The following TBC1D5 variants were observed in gnomAD, a reference collection of about 807,000 sequenced individuals.
TBC1D5 encodes TBC1 domain family, member 5.
In TBC1D5, 75 loss-of-function variants were observed where a neutral mutation model predicts 100.3. The observed-to-expected ratio is 0.75, with a 90% CI of 0.62 to 0.91. The LOEUF (loss-of-function observed/expected upper bound fraction) is 0.91. Ranked by LOEUF, TBC1D5 falls within the 40% of genes least tolerant of loss-of-function variation. The pLI, the probability that TBC1D5 is intolerant of heterozygous loss-of-function variation, is 0.00. For missense variants in TBC1D5, 910 were observed against 942.4 expected (o/e 0.97, Z 0.45); for synonymous variants, 323 against 325.6 (o/e 0.99, Z 0.09).
chr3:17,537,101 C>T (rs780575392), intron 2 of TBC1D5, among the ~76,000 whole-genome samples: 3 of 152,114 alleles, frequency 2.0e-5, no homozygotes, highest in Non-Finnish European at 4.4e-5. Flanking sequence ...AATCTGATGG[C>T]CTTATGGCAG....
intron 1 of TBC1D5, among the ~76,000 whole-genome samples, chr3:17,626,643 G>A (rs2063085954): frequency 6.6e-6 from 1 of 152,158 alleles, no homozygotes; most frequent in Non-Finnish European, 1.5e-5. Context: ...AGACTTCACA[G>A]AGGGGGCAAG....
At chr3:17,642,133 T>A (rs937133535) in intron 1 of TBC1D5, among the ~76,000 whole-genome samples, 2 of 152,132 alleles carry the variant, frequency 1.3e-5, no homozygotes, top group Non-Finnish European at 2.9e-5. Context: ...AAATTTTTTA[T>A]ACTTTTATTT....
At chr3:17,312,777 C>G (rs1436043130) in intron 13 of TBC1D5, among the ~76,000 whole-genome samples, 1 of 152,160 alleles carries the variant, frequency 6.6e-6, no homozygotes, top group African/African-American at 2.4e-5. Context: ...GCTGTTTTGT[C>G]AGAACAACTG....
At chr3:17,374,448 A>C (rs767862746) in intron 12 of TBC1D5, 23 bp downstream of exon 12, 1 of 1,600,106 alleles carries the variant, frequency 6.2e-7, no homozygotes, top group Admixed American at 1.7e-5. Flanking sequence ...ATATACTGAA[A>C]AGATCTGTAC....
chr3:17,525,365 A>G (rs1482169090), intron 2 of TBC1D5, among the ~76,000 whole-genome samples: 3 of 152,182 alleles, frequency 2.0e-5, no homozygotes, highest in African/African-American at 7.2e-5. Context: ...TCCTGATGTC[A>G]GGTGATCTAC....
intron 3 of TBC1D5, among the ~76,000 whole-genome samples, chr3:17,475,661 G>C (rs1211213714): frequency 3.3e-5 from 5 of 152,034 alleles, no homozygotes; most frequent in African/African-American, 1.2e-4. Flanking sequence ...TCTCTCCTGA[G>C]GATGGCATTC....
chr3:17,632,949 TA>T (rs1457873125), intron 1 of TBC1D5, among the ~76,000 whole-genome samples: 1 of 152,204 alleles, frequency 6.6e-6, no homozygotes, highest in Non-Finnish European at 1.5e-5. Context: ...CCTATAGTGA[TA>T]ATACACCCTT....
chr3:17,559,718 T>C (rs906642914), intron 2 of TBC1D5, among the ~76,000 whole-genome samples: 5 of 151,470 alleles, frequency 3.3e-5, no homozygotes, highest in African/African-American at 1.2e-4. Flanking sequence ...GCCTCCCGAG[T>C]AGCTGGGATT....
intron 2 of TBC1D5, among the ~76,000 whole-genome samples, chr3:17,518,014 T>TAAA (rs1474768150): frequency 2.0e-5 from 3 of 152,142 alleles, no homozygotes; most frequent in African/African-American, 7.2e-5. Context: ...GCAATAATAA[T>TAAA]AAACATTAAA....
At chr3:17,483,273 A>T (rs2150359053) in intron 3 of TBC1D5, among the ~76,000 whole-genome samples, 1 of 152,296 alleles carries the variant, frequency 6.6e-6, no homozygotes, top group South Asian at 2.1e-4. Flanking sequence ...AATGCCATTA[A>T]AAACCATTCT....
intron 9 of TBC1D5, among the ~76,000 whole-genome samples, chr3:17,381,658 A>G (rs1161541651): frequency 6.6e-6 from 1 of 151,966 alleles, no homozygotes; most frequent in Non-Finnish European, 1.5e-5. Flanking sequence ...ATTCTACACT[A>G]ATAGATTTTT....
At chr3:17,714,052 G>C (rs1022604295) in intron 1 of TBC1D5, among the ~76,000 whole-genome samples, 1 of 152,082 alleles carries the variant, frequency 6.6e-6, no homozygotes, top group Non-Finnish European at 1.5e-5. Flanking sequence ...GGTACAAATG[G>C]CGGCCTTAGG....
At chr3:17,592,613 G>A (rs571596677) in intron 2 of TBC1D5, among the ~76,000 whole-genome samples, 1 of 152,320 alleles carries the variant, frequency 6.6e-6, no homozygotes, top group Admixed American at 6.5e-5. Context: ...GACCTGAAAG[G>A]CTGCCAGTTT....
chr3:17,471,779 ATG>A (rs766385578), intron 3 of TBC1D5, among the ~76,000 whole-genome samples: 20 of 152,160 alleles, frequency 1.3e-4, no homozygotes, highest in Non-Finnish European at 2.8e-4. Context: ...TAGAAACTAC[ATG>A]TGTTTTTCAA....
At chr3:17,719,957 G>A (rs1029347565) in intron 1 of TBC1D5, among the ~76,000 whole-genome samples, 1 of 151,998 alleles carries the variant, frequency 6.6e-6, no homozygotes, top group East Asian at 1.9e-4. Context: ...TGATTATAGG[G>A]ATTACCTCCA....
At chr3:17,568,010 T>G (rs964557913) in intron 2 of TBC1D5, among the ~76,000 whole-genome samples, 1 of 151,582 alleles carries the variant, frequency 6.6e-6, no homozygotes. Flanking sequence ...TAATTCTGCT[T>G]TCCTTCCAAA....
chr3:17,652,985 TAC>T (rs1318412514), intron 1 of TBC1D5, among the ~76,000 whole-genome samples: 11 of 152,150 alleles, frequency 7.2e-5, no homozygotes, highest in Non-Finnish European at 1.5e-4. Context: ...AGAAATGAGG[TAC>T]TGACAAATGC....
intron 1 of TBC1D5, among the ~76,000 whole-genome samples, chr3:17,651,710 A>AT (rs1264389493): frequency 2.0e-5 from 3 of 151,202 alleles, no homozygotes; most frequent in Non-Finnish European, 4.4e-5. Flanking sequence ...AAAAAAAAAA[A>AT]TTTTTTTTTA....
chr3:17,637,667 C>T (rs2064092295), intron 1 of TBC1D5, among the ~76,000 whole-genome samples: 1 of 151,696 alleles, frequency 6.6e-6, no homozygotes, highest in Non-Finnish European at 1.5e-5. Flanking sequence ...CAAAGAAATG[C>T]AAATAAAAAT....
Sources: allele counts gnomAD v4.1 joint callset (sites outside exome capture counted in the v4.1 genomes callset), GRCh38; gene constraint gnomAD v4.1.1; transcripts MANE v1.5; gene names NCBI Gene and HGNC (gene_info 2026-07-23, HGNC 2026-07-21).